DIXDC1: variants seen among roughly 807,000 people sequenced by gnomAD.
DIXDC1 encodes the protein dixin.
Under a neutral mutation model 103.1 loss-of-function variants are expected in DIXDC1, and 64 were observed. That is an observed-to-expected ratio of 0.62 (90% CI 0.51 to 0.76). The LOEUF (loss-of-function observed/expected upper bound fraction) is 0.76, where lower values mean the gene tolerates loss of function less well. DIXDC1 is among the 30% of genes least tolerant of loss of function. The pLI is 0.00. For missense variants in DIXDC1, 759 were observed against 834.2 expected (o/e 0.91, Z 1.11); for synonymous variants, 266 against 298.5 (o/e 0.89, Z 1.12).
chr11:111,937,926 A>G (rs1966275509), intron 1 of DIXDC1, among the ~76,000 whole-genome samples: 1 of 152,242 alleles, frequency 6.6e-6, no homozygotes, highest in Non-Finnish European at 1.5e-5. Context: ...GTGCTCATCT[A>G]TATCAGGAGC....
At chr11:111,981,550 A>C (rs1592592752) in intron 6 of DIXDC1, among the ~76,000 whole-genome samples, 1 of 152,202 alleles carries the variant, frequency 6.6e-6, no homozygotes, top group Admixed American at 6.5e-5. Flanking sequence ...AAAACTCCTG[A>C]GGCCTTAGAG....
At chr11:111,942,189 C>T (rs1966442543) in intron 1 of DIXDC1, among the ~76,000 whole-genome samples, 1 of 152,204 alleles carries the variant, frequency 6.6e-6, no homozygotes, top group African/African-American at 2.4e-5. Flanking sequence ...GGAGGCAATG[C>T]CAGCTAAACA....
intron 4 of DIXDC1, 25 bp from the exon 5 acceptor site, chr11:111,974,851 C>G (rs1860046234): frequency 6.2e-7 from 1 of 1,609,906 alleles, no homozygotes; most frequent in Middle Eastern, 1.7e-4. Context: ...GACACCTTCC[C>G]TTTGCTGGGG....
chr11:111,963,649 G>A (rs1555171238), intron 1 of DIXDC1, among the ~76,000 whole-genome samples: 1 of 152,206 alleles, frequency 6.6e-6, no homozygotes, highest in East Asian at 1.9e-4. Flanking sequence ...CATTGTTTGT[G>A]TGATATTTTG....
At chr11:111,990,418 C>T (rs587602581) in intron 10 of DIXDC1, among the ~76,000 whole-genome samples, 70 of 152,100 alleles carry the variant, frequency 4.6e-4, no homozygotes, top group South Asian at 3.1e-3. Context: ...CAGTTATCAG[C>T]ACATTTGTGT....
At chr11:111,960,319 G>T (rs1859528379) in intron 1 of DIXDC1, among the ~76,000 whole-genome samples, 1 of 151,790 alleles carries the variant, frequency 6.6e-6, no homozygotes, top group Non-Finnish European at 1.5e-5. Context: ...ATTTTGGCCG[G>T]GCGCAGTGGC....
At chr11:111,940,176 AT>A (rs1966370564) in intron 1 of DIXDC1, among the ~76,000 whole-genome samples, 1 of 152,138 alleles carries the variant, frequency 6.6e-6, no homozygotes, top group Non-Finnish European at 1.5e-5. Context: ...TCTGTTCTCA[AT>A]CCTTTGCCAC....
chr11:111,978,428 A>C (rs987932373), intron 5 of DIXDC1, among the ~76,000 whole-genome samples: 1 of 151,632 alleles, frequency 6.6e-6, no homozygotes, highest in Non-Finnish European at 1.5e-5. Context: ...TTCCTGCCTG[A>C]GGTCCTTTAT....
intron 12 of DIXDC1, 112 bp downstream of exon 12, chr11:111,993,116 T>G (rs1369134891): frequency 8.0e-7 from 1 of 1,249,940 alleles, no homozygotes; most frequent in East Asian, 2.5e-5. Flanking sequence ...TTGATTTTTT[T>G]TTATCCTTGC....
At chr11:111,979,932 C>A (rs1309905589) in intron 5 of DIXDC1, among the ~76,000 whole-genome samples, 5 of 152,102 alleles carry the variant, frequency 3.3e-5, no homozygotes, top group African/African-American at 1.2e-4. Context: ...CCAACCTGGG[C>A]AACAGAGTGA....
At chr11:111,988,667 G>A (rs1016686229) in intron 9 of DIXDC1, among the ~76,000 whole-genome samples, 2 of 152,154 alleles carry the variant, frequency 1.3e-5, no homozygotes, top group South Asian at 2.1e-4. Context: ...CAGTGAGAAG[G>A]ATTTAGATTA....
At position 112,010,996 on chromosome 11, in the gene DIXDC1, A is replaced by G. The variant is rs1861400046; in HGVS notation, c.1757-5695A>G. Among the ~76,000 whole-genome samples the G allele has an allele frequency of 1.3e-5, 2 of 152,218 alleles. 1 individual carries two copies. The highest frequency in any genetic ancestry group is 4.1e-4 in the South Asian group (2 of 4,834). On this transcript the variant is annotated intron_variant, in intron 17 of 19. Transcript: ENST00000440460. ...GAGCTTCTGCACAGCAAAAGAAACTATCATCAGAGTGAACAGGCAACCTAC... is the reference window on the plus strand; with the variant it reads ...GAGCTTCTGCACAGCAAAAGAAACTGTCATCAGAGTGAACAGGCAACCTAC...
chr11:111,995,393 T>G lies in DIXDC1; in HGVS notation c.1528-10T>G, dbSNP rs1860862867. 6.2e-7 allele frequency: 1 copy of G among 1,610,024 alleles called. No homozygotes were observed. ...GTGCCATGCCAGCAACACCTTATTT[T>G]TGCCCACAGACCAGCGACCTGCAGC... On this transcript the variant is annotated splice_polypyrimidine_tract_variant and intron_variant, in intron 15 of 19. Coordinates refer to ENST00000440460, the MANE Select transcript of DIXDC1 (RefSeq NM_001037954.4).
chr11:111,975,732 T>G (rs1041524585), intron 5 of DIXDC1: 246 of 985,502 alleles, frequency 2.5e-4, no homozygotes, highest in Non-Finnish European at 2.4e-4. Context: ...CTGTGTAATC[T>G]GCTCTATTTA....
At chr11:111,991,442 C>G (rs782148038) in intron 10 of DIXDC1, among the ~76,000 whole-genome samples, 1 of 152,332 alleles carries the variant, frequency 6.6e-6, no homozygotes, top group Middle Eastern at 3.4e-3. Flanking sequence ...CTTAGACTTC[C>G]TTTACCATGT....
intron 1 of DIXDC1, among the ~76,000 whole-genome samples, chr11:111,938,563 G>C (rs918345078): frequency 6.6e-6 from 1 of 152,166 alleles, no homozygotes; most frequent in Non-Finnish European, 1.5e-5. Context: ...TGATAGGCAA[G>C]ACTGAAGTGC....
intron 3 of DIXDC1, among the ~76,000 whole-genome samples, chr11:111,973,154 T>G (rs587729347): frequency 1.1e-3 from 171 of 151,918 alleles, no homozygotes; most frequent in African/African-American, 3.9e-3. Context: ...GTGGATCACC[T>G]GAGGTCATGA....
At chr11:111,955,374 A>C (rs1435007252) in intron 1 of DIXDC1, among the ~76,000 whole-genome samples, 1 of 147,166 alleles carries the variant, frequency 6.8e-6, no homozygotes, top group Non-Finnish European at 1.5e-5. Flanking sequence ...GAAAGGAGGG[A>C]TGGAGGGAGG....
At chr11:111,982,960 A>G (rs1414350189) in intron 7 of DIXDC1, among the ~76,000 whole-genome samples, 2 of 152,250 alleles carry the variant, frequency 1.3e-5, no homozygotes, top group Non-Finnish European at 2.9e-5. Context: ...GTGCAAATGG[A>G]TGCCAAGGCA....
Sources: allele counts gnomAD v4.1 joint callset (sites outside exome capture counted in the v4.1 genomes callset), GRCh38; gene constraint gnomAD v4.1.1; transcripts MANE v1.5; gene names NCBI Gene and HGNC (gene_info 2026-07-23, HGNC 2026-07-21).